ABLIM2: variants seen among roughly 807,000 people sequenced by gnomAD.
The protein encoded by ABLIM2 is actin-binding LIM protein 2.
Under a neutral mutation model 97.7 loss-of-function variants are expected in ABLIM2, and 53 were observed. The ratio of observed to expected loss-of-function variants is 0.54; its 90% CI spans 0.44 to 0.68. ABLIM2 has a LOEUF of 0.68. ABLIM2 is among the 30% of genes least tolerant of loss of function. The pLI, the probability that ABLIM2 is intolerant of heterozygous loss-of-function variation, is 0.00. For synonymous variants in ABLIM2, 361 were observed against 345.8 expected (o/e 1.04, Z -0.49); for missense variants, 835 against 867.2 (o/e 0.96, Z 0.47).
In ABLIM2 at chr4:8,054,259, T is replaced by G. The variant is rs938223113; in HGVS notation, c.764-13A>C. The G allele has an allele frequency of 1.2e-6, 2 of 1,613,800 alleles. No homozygotes were observed. The highest frequency in any genetic ancestry group is 1.7e-5 in the Admixed American group (1 of 59,998). ...CAGATGGAGGAACCTGTTGACAAATTCCCAAGAGGGAAATGATTAGAGTTA... is the reference window on the plus strand; with the variant it reads ...CAGATGGAGGAACCTGTTGACAAATGCCCAAGAGGGAAATGATTAGAGTTA... On this transcript the variant is annotated splice_polypyrimidine_tract_variant and intron_variant, in intron 7 of 20. Transcript: ENST00000447017. This position sits in a 1 kb window ranked among gnomAD's most constrained non-coding sequence, Gnocchi z 4.9.
At chr4:7,969,447 C>T (rs1236191307) in intron 20 of ABLIM2, among the ~76,000 whole-genome samples, 1 of 151,890 alleles carries the variant, frequency 6.6e-6, no homozygotes, top group Non-Finnish European at 1.5e-5. Context: ...ACAGTGAGAC[C>T]CTGTCTCAAA....
intron 1 of ABLIM2, among the ~76,000 whole-genome samples, chr4:8,133,704 C>T (rs867124322): frequency 1.3e-5 from 2 of 152,236 alleles, no homozygotes; most frequent in Admixed American, 6.5e-5. Context: ...TGGGTCCATG[C>T]CCCGGCCCTC....
At chr4:8,027,486 C>G (rs75752451) in intron 12 of ABLIM2, among the ~76,000 whole-genome samples, 1 of 152,178 alleles carries the variant, frequency 6.6e-6, no homozygotes. Context: ...AGCCTGTGGG[C>G]GGGTGTGCAG....
rs1435625283 is a variant in ABLIM2, at chr4:8,004,298, T to C, written c.1618+3761A>G. Among the ~76,000 whole-genome samples, 2 of 151,878 alleles carry C rather than the reference T, an allele frequency of 1.3e-5. No homozygotes were observed. The highest frequency in any genetic ancestry group is 2.9e-5 in the Non-Finnish European group (2 of 68,008). On this transcript the variant is annotated intron_variant, in intron 16 of 20. Transcript: ENST00000447017. The surrounding 1 kb of genome is among the most constrained non-coding windows in gnomAD (Gnocchi z 5.9). ...CAGAAAATGCCAAGCCACAGGCAGG[T>C]TGGGGGTGAAGTGCCCCCAACTGGG...
intron 14 of ABLIM2, chr4:8,010,588 C>T: frequency 1.0e-6 from 1 of 985,010 alleles, no homozygotes; most frequent in Non-Finnish European, 1.2e-6. Flanking sequence ...CTGAGCAGTT[C>T]CGTTCCGAAT....
At chr4:8,030,096 T>C (rs971978588) in intron 10 of ABLIM2, among the ~76,000 whole-genome samples, 1 of 152,180 alleles carries the variant, frequency 6.6e-6, no homozygotes, top group African/African-American at 2.4e-5. Flanking sequence ...TCCTCCTGCC[T>C]GACCCTCGCC....
chr4:8,068,317 T>C lies in ABLIM2; in HGVS notation c.676-7263A>G, dbSNP rs974313248. ...TGTGCCTTCTGAAGGGTGGCTGTCATCTTTAATAAGGCAGAACGAGGTGCC... is the reference window on the plus strand; with the variant it reads ...TGTGCCTTCTGAAGGGTGGCTGTCACCTTTAATAAGGCAGAACGAGGTGCC... On this transcript the variant is annotated intron_variant, in intron 6 of 20. Coordinates refer to ENST00000447017, the MANE Select transcript of ABLIM2 (RefSeq NM_001130083.2). This position sits in a 1 kb window ranked among gnomAD's most constrained non-coding sequence, Gnocchi z 4.5. Among the ~76,000 whole-genome samples, 5 of 152,148 alleles carry C rather than the reference T, an allele frequency of 3.3e-5. No homozygotes were observed. The highest frequency in any genetic ancestry group is 9.7e-5 in the African/African-American group (4 of 41,434).
intron 8 of ABLIM2, among the ~76,000 whole-genome samples, chr4:8,051,200 G>A (rs916329410): frequency 3.3e-5 from 5 of 152,232 alleles, no homozygotes; most frequent in South Asian, 2.1e-4. Context: ...GGCTGTGGCC[G>A]CGGAGCTCCC....
chr4:7,987,614 C>T (rs1436178170), intron 17 of ABLIM2, among the ~76,000 whole-genome samples: 1 of 152,124 alleles, frequency 6.6e-6, no homozygotes, highest in Non-Finnish European at 1.5e-5. Context: ...TTCCAAAACT[C>T]GCAGGGCACC....
chr4:8,053,057 C>A (rs1269780815), intron 8 of ABLIM2, among the ~76,000 whole-genome samples: 1 of 152,196 alleles, frequency 6.6e-6, no homozygotes, highest in African/African-American at 2.4e-5. Context: ...GGGTCACAGA[C>A]CACCAGCCAG....
At position 7,966,906 on chromosome 4, in the gene ABLIM2, T is replaced by C. The variant is rs537654223; in HGVS notation, c.*84A>G. On this transcript the variant is annotated 3_prime_UTR_variant, in exon 21 of 21. Transcript: ENST00000447017. ...TGGACACAGAGAAGCCAGAGCAAGG[T>C]GTGTGGGAGGGGTGTGTGCGGTTCT... 2 of 282,358 alleles carry C rather than the reference T, an allele frequency of 7.1e-6. No homozygotes were observed. The highest frequency in any genetic ancestry group is 3.3e-5 in the South Asian group (1 of 30,126). The allele number at this position is 282,358 out of a possible 1,614,324, so 17.5% of individuals were successfully genotyped here. A position where few individuals can be genotyped will look rare whatever the true frequency, so the allele number is the denominator to read the frequency against.
intron 14 of ABLIM2, among the ~76,000 whole-genome samples, chr4:8,017,356 G>A (rs150131142): frequency 3.0e-4 from 46 of 151,152 alleles, no homozygotes; most frequent in African/African-American, 9.5e-4. Context: ...GCGCAATCCC[G>A]GCTCACTGCA....
At position 8,005,610 on chromosome 4, in the gene ABLIM2, T is replaced by C. The variant is rs80114730; in HGVS notation, c.1618+2449A>G. Among the ~76,000 whole-genome samples, 790 of 152,236 alleles carry C rather than the reference T, an allele frequency of 5.2e-3. 11 individuals carry two copies. The highest frequency in any genetic ancestry group is 0.018 in the African/African-American group (750 of 41,550). ...CCATGTGCTCCCCTTCCCGCCTGGA[T>C]TCCTCAGGAGGCCGCAGACGGCAAG... On this transcript the variant is annotated intron_variant, in intron 16 of 20. Transcript: ENST00000447017. This position sits in a 1 kb window ranked among gnomAD's most constrained non-coding sequence, Gnocchi z 4.9.
chr4:8,031,727 T>A (rs1781035622), intron 10 of ABLIM2, among the ~76,000 whole-genome samples: 1 of 38,254 alleles, frequency 2.6e-5, no homozygotes, highest in Non-Finnish European at 4.6e-5. Flanking sequence ...TAAATATACA[T>A]TTTTTTTTTT....
chr4:8,022,045 G>A lies in ABLIM2; in HGVS notation c.1268-1742C>T, dbSNP rs544638395. Among the ~76,000 whole-genome samples, 2 of 152,180 alleles carry A rather than the reference G, an allele frequency of 1.3e-5. No homozygotes were observed. The highest frequency in any genetic ancestry group is 1.5e-5 in the Non-Finnish European group (1 of 68,038). On this transcript the variant is annotated intron_variant, in intron 12 of 20. Transcript: ENST00000447017. This position sits in a 1 kb window ranked among gnomAD's most constrained non-coding sequence, Gnocchi z 7.8. ...GCAGGGAGACTGGACTCACGTGCCC[G>A]GAAAGGACACCGCGGATCCCTCCTA... is the stretch of plus-strand genomic sequence containing the variant.
intron 11 of ABLIM2, 45 bp downstream of exon 11, chr4:8,029,611 A>C (rs375850157): frequency 3.1e-5 from 43 of 1,381,148 alleles, no homozygotes; most frequent in Non-Finnish European, 3.8e-5. Flanking sequence ...AAAAAAGGAA[A>C]AGGACAGCAT....
chr4:8,084,280 A>G (rs1259610004), intron 4 of ABLIM2, among the ~76,000 whole-genome samples: 1 of 152,108 alleles, frequency 6.6e-6, no homozygotes, highest in African/African-American at 2.4e-5. Flanking sequence ...CCAGAGCGGG[A>G]CGGGGGCTCC....
At chr4:8,026,797 G>C (rs1479718881) in intron 12 of ABLIM2, among the ~76,000 whole-genome samples, 1 of 152,254 alleles carries the variant, frequency 6.6e-6, no homozygotes, top group African/African-American at 2.4e-5. Context: ...GGCTTCTCCT[G>C]AGACTGTTTT....
chr4:7,993,793 G>A, intron 16 of ABLIM2: 1 of 407,086 alleles, frequency 2.5e-6, no homozygotes, highest in South Asian at 1.7e-5. Context: ...AATGAACTCT[G>A]GATTCCCTGT....
Sources: allele counts gnomAD v4.1 joint callset (sites outside exome capture counted in the v4.1 genomes callset), GRCh38; gene constraint gnomAD v4.1.1; non-coding constraint Gnocchi (gnomAD v3.1); transcripts MANE v1.5; gene names NCBI Gene and HGNC (gene_info 2026-07-23, HGNC 2026-07-21).